ASIC2: variants seen among roughly 807,000 people sequenced by gnomAD.
ASIC2 encodes acid-sensing ion channel 2.
Under a neutral mutation model 57.3 loss-of-function variants are expected in ASIC2, and 25 were observed. That is an observed-to-expected ratio of 0.44 (90% confidence interval 0.32 to 0.61). ASIC2 has a LOEUF of 0.61. Ranked by LOEUF, ASIC2 falls within the 20% of genes least tolerant of loss-of-function variation. The pLI, the probability that ASIC2 is intolerant of heterozygous loss-of-function variation, is 0.06. For missense variants in ASIC2, 641 were observed against 738.1 expected, an observed-to-expected ratio of 0.87 and a Z score of 1.52; for synonymous variants, 319 against 307.5, an observed-to-expected ratio of 1.04 and a Z score of -0.39.
intron 1 of ASIC2, among the ~76,000 whole-genome samples, chr17:33,722,557 A>AGTTGCTTCAAACT (rs1909420826): frequency 1.3e-5 from 2 of 151,970 alleles, no homozygotes; most frequent in South Asian, 4.2e-4. Flanking sequence ...GCTTGAAGCC[A>AGTTGCTTCAAACT]GGAGTTAGAG....
intron 1 of ASIC2, among the ~76,000 whole-genome samples, chr17:33,254,296 C>T (rs761955223): frequency 2.7e-4 from 41 of 152,160 alleles, no homozygotes; most frequent in South Asian, 6.2e-4. Flanking sequence ...AGTTGTGCCT[C>T]CCCTGTCCCT....
chr17:33,133,978 C>G (rs2092358032), intron 1 of ASIC2, among the ~76,000 whole-genome samples: 1 of 152,170 alleles, frequency 6.6e-6, no homozygotes, highest in Non-Finnish European at 1.5e-5. Context: ...GTCTGAGGTG[C>G]AGAGAAAGGA....
At chr17:33,316,378 A>G (rs1906651557) in intron 1 of ASIC2, among the ~76,000 whole-genome samples, 2 of 152,216 alleles carry the variant, frequency 1.3e-5, no homozygotes, top group Admixed American at 1.3e-4. Flanking sequence ...CTCTCCAACA[A>G]GTGCTCTGCG....
At chr17:33,717,922 G>A (rs1909271636) in intron 1 of ASIC2, among the ~76,000 whole-genome samples, 1 of 152,138 alleles carries the variant, frequency 6.6e-6, no homozygotes, top group Non-Finnish European at 1.5e-5. Flanking sequence ...ATTATCGTAG[G>A]GAGTAAGCTG....
chr17:33,509,974 C>T (rs9891235), intron 1 of ASIC2, among the ~76,000 whole-genome samples: 101,744 of 152,112 alleles, frequency 0.67, 34,427 homozygotes, highest in Non-Finnish European at 0.69. Context: ...GTAGATAGTA[C>T]TGTAGTGGGG....
chr17:33,281,981 A>G (rs551364288), intron 1 of ASIC2, among the ~76,000 whole-genome samples: 2 of 152,330 alleles, frequency 1.3e-5, no homozygotes, highest in South Asian at 4.1e-4. Context: ...ATCTTGCATT[A>G]TGTAAGTGTG....
chr17:33,201,683 C>G (rs112156654), intron 1 of ASIC2, among the ~76,000 whole-genome samples: 1 of 152,152 alleles, frequency 6.6e-6, no homozygotes, highest in Non-Finnish European at 1.5e-5. Flanking sequence ...TAGCCCTGCT[C>G]GGTAAGGAGC....
chr17:33,486,100 A>T (rs988935535), intron 1 of ASIC2, among the ~76,000 whole-genome samples: 1 of 152,114 alleles, frequency 6.6e-6, no homozygotes, highest in Admixed American at 6.5e-5. Context: ...ACTCAGACTG[A>T]CTACCTGTCC....
intron 1 of ASIC2, among the ~76,000 whole-genome samples, chr17:33,916,002 G>C (rs577134675): frequency 6.6e-6 from 1 of 152,168 alleles, no homozygotes; most frequent in Non-Finnish European, 1.5e-5. Flanking sequence ...GGATACCACA[G>C]GGTGTTTCTT....
chr17:33,336,672 T>C (rs1002347340), intron 1 of ASIC2, among the ~76,000 whole-genome samples: 1 of 152,190 alleles, frequency 6.6e-6, no homozygotes, highest in Non-Finnish European at 1.5e-5. Context: ...CAAGGCTGCC[T>C]GTGTCTGGCG....
chr17:33,372,095 C>G (rs1909089766), intron 1 of ASIC2, among the ~76,000 whole-genome samples: 1 of 152,094 alleles, frequency 6.6e-6, no homozygotes, highest in South Asian at 2.1e-4. Context: ...TCTCCTGAAG[C>G]TGGAGCTGCA....
In ASIC2 at chr17:33,723,580, C is replaced by T. The variant is rs538970956; in HGVS notation, c.555+432398G>A. On this transcript the variant is annotated intron_variant, in intron 1 of 9. Coordinates refer to the ASIC2 transcript ENST00000359872. The stretch of plus-strand genomic sequence containing the variant: ...CTGGCCTCAAGTGATTTTCCTGCCT[C>T]GGCATCCCAAAGTGCTGGGATTACA... 7.7e-4 allele frequency among the ~76,000 whole-genome samples: 117 copies of T among 152,294 alleles called. No individual in the cohort carries two copies. In the Middle Eastern group the frequency reaches 0.027, roughly 35 times the overall value.
chr17:34,078,216 CTT>C (rs34431270), intron 1 of ASIC2, among the ~76,000 whole-genome samples: 1 of 152,322 alleles, frequency 6.6e-6, no homozygotes, highest in East Asian at 1.9e-4. Context: ...GCAAACCTGC[CTT>C]TCTCTCTAAA....
rs552922037 is a variant in ASIC2 at position 33,542,067 on chromosome 17, C to T, written c.556-430000G>A. Among the ~76,000 whole-genome samples the T allele has an allele frequency of 2.0e-5, 3 of 152,326 alleles. No homozygotes were observed. The East Asian group carries it at 5.8e-4, about 29-fold the overall frequency. On this transcript the variant is annotated intron_variant, in intron 1 of 9. Transcript: ENST00000359872. Reference sequence around the variant, plus strand: ...TGCTGAATACACTCTCTGTTGTATACTTAAATACTTGACTCCTTTGGTTGT... The same window carrying T: ...TGCTGAATACACTCTCTGTTGTATATTTAAATACTTGACTCCTTTGGTTGT...
At chr17:33,639,325 C>T (rs1471575339) in intron 1 of ASIC2, among the ~76,000 whole-genome samples, 2 of 152,202 alleles carry the variant, frequency 1.3e-5, no homozygotes, top group African/African-American at 2.4e-5. Context: ...TCCTGGGTCT[C>T]TGCAATCAGG....
intron 1 of ASIC2, among the ~76,000 whole-genome samples, chr17:33,743,816 C>T (rs75982903): frequency 2.0e-5 from 3 of 152,148 alleles, no homozygotes; most frequent in African/African-American, 4.8e-5. Context: ...TCCATACTCA[C>T]GTAATCCAAT....
intron 1 of ASIC2, among the ~76,000 whole-genome samples, chr17:33,457,568 A>T (rs769245230): frequency 6.6e-6 from 1 of 152,196 alleles, no homozygotes. Flanking sequence ...AACAAGACAA[A>T]GTCCCTGCCC....
intron 1 of ASIC2, among the ~76,000 whole-genome samples, chr17:33,841,403 T>A (rs972978651): frequency 2.0e-5 from 3 of 152,238 alleles, no homozygotes; most frequent in African/African-American, 7.2e-5. Flanking sequence ...AAAGCCAGGC[T>A]TTAAGCCTAA....
At chr17:34,132,758 C>A (rs925707693) in intron 1 of ASIC2, among the ~76,000 whole-genome samples, 2 of 152,218 alleles carry the variant, frequency 1.3e-5, no homozygotes, top group Non-Finnish European at 2.9e-5. Flanking sequence ...CAACTACCTT[C>A]CCTACCACTG....
Sources: gnomAD v4.1 joint callset for allele counts (sites outside exome capture counted in the v4.1 genomes callset) on GRCh38, gnomAD v4.1.1 for gene constraint, MANE v1.5 for transcripts, NCBI Gene and HGNC (gene_info 2026-07-23, HGNC 2026-07-21) for gene names.